The following NDST4 variants were observed in gnomAD, a reference collection of about 807,000 sequenced individuals.
NDST4 encodes the protein N-heparan sulfate sulfotransferase 4.
A neutral mutation model predicts 100.8 loss-of-function variants in NDST4; 63 were observed. The ratio of observed to expected loss-of-function variants is 0.62; its 90% CI spans 0.51 to 0.77. The LOEUF (loss-of-function observed/expected upper bound fraction) is 0.77. Among genes scored for constraint, NDST4 ranks in the 30% least tolerant of loss-of-function variants. The probability of loss-of-function intolerance (pLI) is 0.00; values close to 1 mark genes in which losing one functional copy is unlikely to be tolerated. For synonymous variants in NDST4, 377 were observed against 361.8 expected, an observed-to-expected ratio of 1.04 and a Z score of -0.48; for missense variants, 943 against 1,018.4, an observed-to-expected ratio of 0.93 and a Z score of 1.01.
At chr4:114,987,063 C>A (rs1334998966) in intron 2 of NDST4, among the ~76,000 whole-genome samples, 8 of 151,598 alleles carry the variant, frequency 5.3e-5, no homozygotes, top group Admixed American at 5.3e-4. Flanking sequence ...AGAACTCAAG[C>A]TAGTTAGGAT....
chr4:115,075,967 C>G, intron 2 of NDST4, 92 bp downstream of exon 2: 1 of 1,439,102 alleles, frequency 6.9e-7, no homozygotes. Context: ...CACCTTAAAA[C>G]TTTAGGGATT....
intron 2 of NDST4, among the ~76,000 whole-genome samples, chr4:115,030,535 AG>A (rs1728092632): frequency 2.0e-5 from 3 of 152,142 alleles, no homozygotes; most frequent in African/African-American, 7.2e-5. Context: ...CAGAGAAAGA[AG>A]GGAAGTCTTA....
intron 6 of NDST4, among the ~76,000 whole-genome samples, chr4:114,911,498 T>A (rs1446965432): frequency 1.3e-5 from 2 of 152,174 alleles, no homozygotes; most frequent in Non-Finnish European, 2.9e-5. Flanking sequence ...CTCCCCCTTA[T>A]AATATAATCT....
At chr4:114,900,541 T>C (rs1239893114) in intron 6 of NDST4, among the ~76,000 whole-genome samples, 1 of 152,148 alleles carries the variant, frequency 6.6e-6, no homozygotes, top group Admixed American at 6.5e-5. Flanking sequence ...TTAGATATGC[T>C]TAGATACACA....
At chr4:115,082,911 T>C (rs1009370801) in intron 1 of NDST4, among the ~76,000 whole-genome samples, 1 of 152,144 alleles carries the variant, frequency 6.6e-6, no homozygotes, top group East Asian at 1.9e-4. Flanking sequence ...AAGCCAAAAA[T>C]GTCTACCAAA....
At chr4:114,921,210 G>GA (rs923947180) in intron 6 of NDST4, among the ~76,000 whole-genome samples, 10 of 151,836 alleles carry the variant, frequency 6.6e-5, no homozygotes, top group South Asian at 6.2e-4. Flanking sequence ...CAAAATCAAA[G>GA]AAAAAAAATT....
intron 3 of NDST4, among the ~76,000 whole-genome samples, chr4:114,975,935 A>G (rs1726623953): frequency 1.3e-5 from 2 of 152,134 alleles, no homozygotes; most frequent in African/African-American, 2.4e-5. Flanking sequence ...TTGCCTGTGC[A>G]GATATGCTGA....
chr4:114,920,977 A>G (rs906319605), intron 6 of NDST4, among the ~76,000 whole-genome samples: 8 of 152,192 alleles, frequency 5.3e-5, no homozygotes, highest in Non-Finnish European at 1.2e-4. Context: ...TTAAGTTTTC[A>G]TATCATTAAT....
chr4:114,995,259 T>C (rs1727134376), intron 2 of NDST4, among the ~76,000 whole-genome samples: 1 of 152,036 alleles, frequency 6.6e-6, no homozygotes, highest in South Asian at 2.1e-4. Context: ...ATTAATGTGA[T>C]TCTTACATTA....
intron 2 of NDST4, among the ~76,000 whole-genome samples, chr4:114,979,310 C>G (rs1272648247): frequency 2.6e-5 from 4 of 151,398 alleles, no homozygotes; most frequent in Admixed American, 2.0e-4. Flanking sequence ...TTTATTGCAT[C>G]CATGCTCTAT....
At position 114,970,583 on chromosome 4, in the gene NDST4, C is replaced by T. The variant is rs1175255305; in HGVS notation, c.1068G>A (p.Gly356=). ...CATCTCCTTCATCTTCCTCTTCAGT[C>T]CCTTTAAAACATAAAGTTAAAAATA... ...LGFSGKFYHT[G]TEEEDEGDDL... is the part of the protein sequence containing the mutation. Residue 356 remains glycine (G), a splice_region_variant and synonymous_variant, in exon 4 of 14, where the codon GGG becomes GGA. Transcript: ENST00000264363. 5 of 1,603,870 alleles carry T rather than the reference C, an allele frequency of 3.1e-6. No individual in the cohort carries two copies. In the African/African-American group the frequency reaches 6.7e-5, roughly 22 times the overall value.
rs772569353 is a variant in NDST4, at chr4:114,935,350, G to T, written c.1408-16C>A. 1 of 1,543,580 alleles carries T rather than the reference G, an allele frequency of 6.5e-7. No homozygotes were observed. Among genetic ancestry groups the T allele is most frequent in the East Asian group, 2.4e-5 (1 of 41,254 alleles). On this transcript the variant is annotated splice_polypyrimidine_tract_variant and intron_variant, in intron 5 of 13. Coordinates refer to ENST00000264363, the MANE Select transcript of NDST4 (RefSeq NM_022569.3). ...GAGGGAGGACCTGAGTAAAAAAGGG[G>T]AAAAACAGCACATGGACGTGATTTA...
chr4:115,110,676 T>C (rs1016114095), intron 1 of NDST4, among the ~76,000 whole-genome samples: 11 of 152,082 alleles, frequency 7.2e-5, no homozygotes, highest in African/African-American at 2.6e-4. Context: ...TTTCTTTTTC[T>C]TTTCCTGAGA....
intron 2 of NDST4, among the ~76,000 whole-genome samples, chr4:115,062,691 T>G (rs949433122): frequency 2.6e-5 from 4 of 151,806 alleles, no homozygotes; most frequent in African/African-American, 7.2e-5. Context: ...ATACAGAGTA[T>G]GCAAACTACA....
At chr4:114,877,212 C>A (rs967759220) in intron 6 of NDST4, among the ~76,000 whole-genome samples, 1 of 152,144 alleles carries the variant, frequency 6.6e-6, no homozygotes, top group Non-Finnish European at 1.5e-5. Context: ...TCATTTTATT[C>A]TATTATTTTA....
chr4:114,860,724 G>C (rs1389681015), intron 7 of NDST4, among the ~76,000 whole-genome samples: 2 of 152,122 alleles, frequency 1.3e-5, no homozygotes, highest in Admixed American at 1.3e-4. Context: ...ATTTTATTTA[G>C]CCAATGTATT....
At position 114,981,512 on chromosome 4, in the gene NDST4, G is replaced by A. The variant is rs531689744; in HGVS notation, c.979-4238C>T. ...AACGTCGAGCAATTATTTTCAAGTT[G>A]CCCACATGAAATGAATCACCAGCAT... On this transcript the variant is annotated intron_variant, in intron 2 of 13. Coordinates refer to ENST00000264363, the MANE Select transcript of NDST4 (RefSeq NM_022569.3). 5.7e-4 allele frequency among the ~76,000 whole-genome samples: 86 copies of A among 152,100 alleles called. 1 individual carries two copies. Among genetic ancestry groups the A allele is most frequent in the African/African-American group, 2.0e-3 (83 of 41,490 alleles).
intron 2 of NDST4, among the ~76,000 whole-genome samples, chr4:115,016,728 G>A (rs1046942021): frequency 1.3e-5 from 2 of 152,030 alleles, no homozygotes; most frequent in African/African-American, 4.8e-5. Flanking sequence ...GTATTACCAT[G>A]CCCTGTGATT....
chr4:115,106,525 T>C (rs545991010), intron 1 of NDST4, among the ~76,000 whole-genome samples: 1 of 152,206 alleles, frequency 6.6e-6, no homozygotes, highest in Admixed American at 6.6e-5. Context: ...TCCTCCTGTA[T>C]ACTCTAGCTC....
Sources: allele counts gnomAD v4.1 joint callset (sites outside exome capture counted in the v4.1 genomes callset), GRCh38; gene constraint gnomAD v4.1.1; transcripts MANE v1.5; gene names NCBI Gene and HGNC (gene_info 2026-07-23, HGNC 2026-07-21).